Variants in STX8 observed in about 807,000 individuals in gnomAD.
STX8 encodes syntaxin 8, also known as syntaxin-8.
In STX8, 23 loss-of-function variants were observed where a neutral mutation model predicts 37.5. The ratio of observed to expected loss-of-function variants is 0.61; its 90% CI spans 0.44 to 0.87. The LOEUF (loss-of-function observed/expected upper bound fraction) is 0.87. STX8 is among the 40% of genes least tolerant of loss of function. The pLI, the probability that STX8 is intolerant of heterozygous loss-of-function variation, is 0.00. For missense variants in STX8, 313 were observed against 284.7 expected (o/e 1.10, Z -0.71); for synonymous variants, 115 against 99.1 (o/e 1.16, Z -0.95).
chr17:9,465,373 C>T (rs151170162), intron 6 of STX8, among the ~76,000 whole-genome samples: 245 of 152,304 alleles, frequency 1.6e-3, no homozygotes, highest in African/African-American at 5.5e-3. Flanking sequence ...TTCATGTCTA[C>T]GTTACTGCCT....
intron 2 of STX8, among the ~76,000 whole-genome samples, chr17:9,562,314 G>A (rs1437860228): frequency 2.6e-5 from 4 of 151,860 alleles, no homozygotes; most frequent in Non-Finnish European, 4.4e-5. Flanking sequence ...GCTGAGGCAG[G>A]AGAATGGCGT....
chr17:9,425,142 G>A (rs1913580039), intron 6 of STX8, among the ~76,000 whole-genome samples: 1 of 152,140 alleles, frequency 6.6e-6, no homozygotes, highest in South Asian at 2.1e-4. Flanking sequence ...ATTAAATAAT[G>A]AGCAAATCTG....
At chr17:9,340,024 C>T (rs1392659544) in intron 7 of STX8, among the ~76,000 whole-genome samples, 1 of 152,178 alleles carries the variant, frequency 6.6e-6, no homozygotes, top group African/African-American at 2.4e-5. Flanking sequence ...CTGACGCAAC[C>T]GCGGGATCCT....
intron 4 of STX8, among the ~76,000 whole-genome samples, chr17:9,531,750 A>C (rs1479887689): frequency 6.6e-6 from 1 of 151,956 alleles, no homozygotes; most frequent in African/African-American, 2.4e-5. Context: ...AATTTCCCTA[A>C]ATAATGTTTT....
chr17:9,378,419 G>T (rs2142284016), intron 7 of STX8, 133 bp downstream of exon 7: 1 of 708,558 alleles, frequency 1.4e-6, no homozygotes. Flanking sequence ...CAATTTCAGT[G>T]CTTCATCAAA....
chr17:9,534,269 T>G (rs1034310243), intron 4 of STX8, among the ~76,000 whole-genome samples: 4 of 151,630 alleles, frequency 2.6e-5, no homozygotes, highest in Non-Finnish European at 5.9e-5. Flanking sequence ...ACAAATAAAT[T>G]TGACCAAAAA....
At chr17:9,367,171 TG>T (rs1338338064) in intron 7 of STX8, among the ~76,000 whole-genome samples, 1 of 144,754 alleles carries the variant, frequency 6.9e-6, no homozygotes, top group Non-Finnish European at 1.5e-5. Context: ...TTGTTTTTTT[TG>T]TTTTTTTTTT....
At chr17:9,281,072 T>C (rs114325587) in intron 7 of STX8, among the ~76,000 whole-genome samples, 1,522 of 151,630 alleles carry the variant, frequency 0.01, 27 homozygotes, top group African/African-American at 0.034. Context: ...GAAGTAATGG[T>C]GGAGGGGGAG....
intron 7 of STX8, among the ~76,000 whole-genome samples, chr17:9,304,927 A>ATC (rs1908919710): frequency 1.6e-5 from 2 of 123,816 alleles, no homozygotes; most frequent in African/African-American, 2.7e-5. Context: ...AAAAAAAAAT[A>ATC]TGTATATATA....
intron 6 of STX8, among the ~76,000 whole-genome samples, chr17:9,453,596 G>A (rs543482931): frequency 1.7e-3 from 257 of 149,500 alleles, no homozygotes; most frequent in Non-Finnish European, 2.8e-3. Flanking sequence ...GGGTTCAAGC[G>A]ATTCTCCTGC....
At chr17:9,560,919 A>T (rs1907208608) in intron 2 of STX8, among the ~76,000 whole-genome samples, 1 of 152,220 alleles carries the variant, frequency 6.6e-6, no homozygotes, top group Non-Finnish European at 1.5e-5. Context: ...TCAGTAGTGC[A>T]ACATAACAAA....
chr17:9,513,966 A>C (rs1905096837), intron 4 of STX8, among the ~76,000 whole-genome samples: 1 of 152,220 alleles, frequency 6.6e-6, no homozygotes, highest in African/African-American at 2.4e-5. Context: ...CAGAAGCTAA[A>C]AACAAAAGTT....
At chr17:9,251,265 T>C (rs953444118) in intron 7 of STX8, among the ~76,000 whole-genome samples, 1 of 152,220 alleles carries the variant, frequency 6.6e-6, no homozygotes, top group Non-Finnish European at 1.5e-5. Context: ...AGCCCCGCCC[T>C]GCCTCCTCTG....
chr17:9,524,712 A>T (rs1426421268), intron 4 of STX8, among the ~76,000 whole-genome samples: 1 of 152,138 alleles, frequency 6.6e-6, no homozygotes, highest in Non-Finnish European at 1.5e-5. Context: ...ACACCAATTC[A>T]TCTACTTCAT....
chr17:9,571,488 C>A (rs28507590), intron 1 of STX8, among the ~76,000 whole-genome samples: 127 of 148,874 alleles, frequency 8.5e-4, no homozygotes, highest in African/African-American at 3.1e-3. Context: ...GTAATTGGGT[C>A]GGGGGGTGGC....
chr17:9,398,807 G>A (rs1042535674), intron 6 of STX8, among the ~76,000 whole-genome samples: 10 of 152,134 alleles, frequency 6.6e-5, no homozygotes, highest in African/African-American at 2.2e-4. Context: ...CCAGTAATTT[G>A]GGAGGCCGAG....
At position 9,270,334 on chromosome 17, in the gene STX8, G is replaced by A. The variant is rs935830995; in HGVS notation, c.644-19689C>T. 1.2e-4 allele frequency among the ~76,000 whole-genome samples: 19 copies of A among 152,206 alleles called. 1 individual carries two copies. The highest frequency in any genetic ancestry group is 6.2e-4 in the South Asian group (3 of 4,824). ...ATCTCAGCTCACTGCAAGCACCGCC[G>A]TCTCCTGGGTTCACGCCATTCTCCT... On this transcript the variant is annotated intron_variant, in intron 7 of 7. Coordinates refer to ENST00000306357, the MANE Select transcript of STX8 (RefSeq NM_004853.3).
At chr17:9,444,962 C>G (rs760409232) in intron 6 of STX8, among the ~76,000 whole-genome samples, 47 of 152,170 alleles carry the variant, frequency 3.1e-4, no homozygotes, top group Non-Finnish European at 7.3e-5. Context: ...AGCTGGGAAG[C>G]AAGTCATTCC....
At chr17:9,382,578 C>A (rs186769335) in intron 6 of STX8, among the ~76,000 whole-genome samples, 7 of 152,260 alleles carry the variant, frequency 4.6e-5, no homozygotes, top group Admixed American at 4.6e-4. Context: ...CTATCCCTCC[C>A]CCAGCAAGAT....
Sources: allele counts gnomAD v4.1 joint callset (sites outside exome capture counted in the v4.1 genomes callset), GRCh38; gene constraint gnomAD v4.1.1; transcripts MANE v1.5; gene names NCBI Gene and HGNC (gene_info 2026-07-23, HGNC 2026-07-21).